The following FOXK2 variants were observed in gnomAD, a reference collection of about 807,000 sequenced individuals.
The protein encoded by FOXK2 is forkhead box K2, also known as forkhead box protein K2.
In FOXK2, 24 loss-of-function variants were observed where a neutral mutation model predicts 53.3. That is an observed-to-expected ratio of 0.45 (90% confidence interval 0.33 to 0.63). FOXK2 has a LOEUF of 0.63. Among genes scored for constraint, FOXK2 ranks in the 30% least tolerant of loss-of-function variants. The pLI, the probability that FOXK2 is intolerant of heterozygous loss-of-function variation, is 0.03. For missense variants in FOXK2, 952 were observed against 910.5 expected, an observed-to-expected ratio of 1.05 and a Z score of -0.59; for synonymous variants, 505 against 407.1, an observed-to-expected ratio of 1.24 and a Z score of -2.89.
At chr17:82,565,985 T>G (rs2044847432) in intron 2 of FOXK2, among the ~76,000 whole-genome samples, 1 of 150,846 alleles carries the variant, frequency 6.6e-6, no homozygotes, top group Non-Finnish European at 1.5e-5. Flanking sequence ...TTATGCTCAG[T>G]GAAATAAGCC....
At chr17:82,587,636 G>A in intron 8 of FOXK2, 1 of 342,000 alleles carries the variant, frequency 2.9e-6, no homozygotes, top group South Asian at 2.7e-5. Flanking sequence ...GTGCTATGCT[G>A]CTGAGGGTGG....
chr17:82,587,000 A>T (rs1393066341), intron 7 of FOXK2, 63 bp from the exon 8 acceptor site: 10 of 1,521,134 alleles, frequency 6.6e-6, no homozygotes, highest in Non-Finnish European at 9.1e-6. Context: ...TATGTTTTAA[A>T]CTGGCAAGAT....
chr17:82,545,738 C>T (rs1215513965), intron 1 of FOXK2, among the ~76,000 whole-genome samples: 1 of 152,042 alleles, frequency 6.6e-6, no homozygotes, highest in African/African-American at 2.4e-5. Flanking sequence ...CGCACCAGCA[C>T]ACCTGGCTAA....
At chr17:82,567,791 C>A (rs919409156) in intron 2 of FOXK2, among the ~76,000 whole-genome samples, 1 of 146,964 alleles carries the variant, frequency 6.8e-6, no homozygotes, top group Non-Finnish European at 1.5e-5. Flanking sequence ...CCCCTGAGAG[C>A]TTGTGTCACA....
chr17:82,523,317 G>A (rs9910991), intron 1 of FOXK2, among the ~76,000 whole-genome samples: 68,734 of 151,870 alleles, frequency 0.45, 15,724 homozygotes, highest in South Asian at 0.56. Context: ...GCATTTGTGC[G>A]GTGTGAATTA....
In FOXK2 at chr17:82,519,956, G is replaced by A. The variant is rs2044342118; in HGVS notation, c.68G>A (p.Gly23Asp). The change falls in exon 1 of 9, where the codon GGC (glycine) becomes GAC (aspartate). Residue 23 changes from glycine to aspartate, a missense_variant. This residue lies in a region of FOXK2 where 163 missense variants were observed against 165.5 expected (regional missense o/e 0.98). Coordinates refer to ENST00000335255, the MANE Select transcript of FOXK2 (RefSeq NM_004514.4). ...CCCGCGGGCGGCGGGGCCGGGGGCG[G>A]CGGGGCCGGGGGCGGCGGGTCCCCG... ...TPPAGGGAGG[G>D]GAGGGGSPPG... The A allele has an allele frequency of 7.7e-6, 8 of 1,038,136 alleles. No homozygotes were observed. The highest frequency in any genetic ancestry group is 8.1e-6 in the Non-Finnish European group (7 of 864,604). 64.3% of individuals were successfully genotyped at this position (1,038,136 alleles called of 1,614,324 possible).
chr17:82,587,647 G>C, intron 8 of FOXK2: 1 of 325,978 alleles, frequency 3.1e-6, no homozygotes, highest in South Asian at 2.9e-5. Flanking sequence ...CTGAGGGTGG[G>C]AGAGAGGCTG....
intron 1 of FOXK2, among the ~76,000 whole-genome samples, chr17:82,544,998 C>T (rs1306088282): frequency 6.6e-6 from 1 of 152,154 alleles, no homozygotes; most frequent in Non-Finnish European, 1.5e-5. Context: ...TCGATCTGCC[C>T]CGTCTGTCCT....
At chr17:82,530,947 A>C (rs553050572) in intron 1 of FOXK2, among the ~76,000 whole-genome samples, 2 of 152,316 alleles carry the variant, frequency 1.3e-5, no homozygotes, top group Non-Finnish European at 2.9e-5. Flanking sequence ...ATGTTAGGAT[A>C]ATGAACATCA....
At chr17:82,567,422 G>A (rs752149502) in intron 2 of FOXK2, among the ~76,000 whole-genome samples, 8 of 152,198 alleles carry the variant, frequency 5.3e-5, no homozygotes, top group South Asian at 2.1e-4. Flanking sequence ...CGTCCAGCCC[G>A]GTGGGAAAAA....
Position 82,538,466 on chromosome 17 carries a change from C to A in FOXK2, c.419+18159C>A, listed in dbSNP as rs193045532. Among the ~76,000 whole-genome samples the A allele has an allele frequency of 3.0e-3, 452 of 152,338 alleles. 3 individuals are homozygous for A. The highest frequency in any genetic ancestry group is 3.9e-3 in the Non-Finnish European group (265 of 68,034). On this transcript the variant is annotated intron_variant, in intron 1 of 8. Transcript: ENST00000335255. ...TGCCGCTGCGCTCCAACCTGGGTGA[C>A]AGACCAAGATCCTGTCTCCAATTAA...
intron 8 of FOXK2, chr17:82,596,100 A>AGGCCACTCCTGC (rs1555644144): frequency 2.6e-5 from 27 of 1,039,888 alleles, no homozygotes; most frequent in Non-Finnish European, 3.0e-5. Flanking sequence ...GAGTCGGTTG[A>AGGCCACTCCTGC]GGCCACACCT....
intron 4 of FOXK2, among the ~76,000 whole-genome samples, chr17:82,579,362 T>C (rs1384871398): frequency 6.6e-6 from 1 of 152,216 alleles, no homozygotes; most frequent in African/African-American, 2.4e-5. Flanking sequence ...TAAAACATTA[T>C]AGCAGTATCT....
In FOXK2 at chr17:82,586,543, G is replaced by T. The variant is rs545254734; in HGVS notation, c.1576+343G>T. On this transcript the variant is annotated intron_variant, in intron 7 of 8. Transcript: ENST00000335255. ...AGGGGAGACCACAGGGAGGTCAAAG[G>T]TAGGCGGAGGGGAAAGGAGGAGAGG... 8.1e-5 allele frequency among the ~76,000 whole-genome samples: 9 copies of T among 110,806 alleles called. 3 individuals are homozygous for T. Among genetic ancestry groups the T allele is most frequent in the African/African-American group, 3.5e-4 (8 of 22,654 alleles). The allele number at this position is 110,806 out of a possible 152,430, so 72.7% of individuals were successfully genotyped here.
chr17:82,540,887 G>T (rs1295624073), intron 1 of FOXK2, among the ~76,000 whole-genome samples: 1 of 152,152 alleles, frequency 6.6e-6, no homozygotes, highest in East Asian at 1.9e-4. Flanking sequence ...GAACAGAAAA[G>T]CCTTTTTATG....
intron 1 of FOXK2, among the ~76,000 whole-genome samples, chr17:82,530,470 A>G (rs1286195099): frequency 1.5e-5 from 2 of 134,832 alleles, no homozygotes; most frequent in East Asian, 2.3e-4. Context: ...AAAAAAAGAG[A>G]GAGAAAACCC....
At chr17:82,587,521 C>G (rs1394336136) in intron 8 of FOXK2, 2 of 518,724 alleles carry the variant, frequency 3.9e-6, no homozygotes, top group East Asian at 3.4e-5. Flanking sequence ...GAAAAATACT[C>G]TCGCCTCTTG....
chr17:82,568,924 T>A (rs2044883035), intron 3 of FOXK2, among the ~76,000 whole-genome samples: 1 of 151,904 alleles, frequency 6.6e-6, no homozygotes, highest in African/African-American at 2.4e-5. Flanking sequence ...GGCGGGAGAA[T>A]CACTTGAACC....
chr17:82,584,294 C>T, intron 6 of FOXK2, 106 bp downstream of exon 6: 2 of 1,227,686 alleles, frequency 1.6e-6, no homozygotes, highest in Non-Finnish European at 2.2e-6. Context: ...GCCTGTCCCT[C>T]TGTACCTTAT....
Sources: allele counts gnomAD v4.1 joint callset (sites outside exome capture counted in the v4.1 genomes callset), GRCh38; gene constraint gnomAD v4.1.1; regional missense constraint gnomAD v4.1.1; transcripts MANE v1.5; gene names NCBI Gene and HGNC (gene_info 2026-07-23, HGNC 2026-07-21).